The following EVL variants were observed in gnomAD, a reference collection of about 807,000 sequenced individuals.
The protein encoded by EVL is Enah/Vasp-like.
Under a neutral mutation model 59.6 loss-of-function variants are expected in EVL, and 21 were observed. That is an observed-to-expected ratio of 0.35 (90% confidence interval 0.25 to 0.51). The LOEUF (loss-of-function observed/expected upper bound fraction) is 0.51. EVL is among the 20% of genes least tolerant of loss of function. The pLI is 0.97. For synonymous variants in EVL, 198 were observed against 203.5 expected (o/e 0.97, Z 0.23); for missense variants, 462 against 546.6 (o/e 0.85, Z 1.54).
At chr14:100,075,161 G>A (rs566095347) in intron 1 of EVL, among the ~76,000 whole-genome samples, 1 of 152,354 alleles carries the variant, frequency 6.6e-6, no homozygotes, top group African/African-American at 2.4e-5. Context: ...AAGCTGCATG[G>A]CTGCAGGGGC....
At chr14:99,986,290 CA>C (rs3072366) in intron 1 of EVL, among the ~76,000 whole-genome samples, 7,286 of 78,444 alleles carry the variant, frequency 0.093, 202 homozygotes, top group African/African-American at 0.18. Flanking sequence ...GACTCTGTCT[CA>C]AAAAAAAAAA....
intron 3 of EVL, chr14:100,107,056 A>T: frequency 2.5e-6 from 1 of 398,764 alleles, no homozygotes; most frequent in Non-Finnish European, 4.4e-6. Context: ...AGCAGGTGGA[A>T]TGACACCACA....
rs531986617 is a variant in EVL at position 100,020,112 on chromosome 14, A to G, written c.5+48055A>G. Among the ~76,000 whole-genome samples, 7 of 152,320 alleles carry G rather than the reference A, an allele frequency of 4.6e-5. No individual in the cohort carries two copies. In the South Asian group the frequency reaches 1.2e-3, roughly 27 times the overall value. ...TGTAGCAGTGAAGGTGAAAAATTCT[A>G]CAAGTCTGTCTGCATAGTTGAGATT... On this transcript the variant is annotated intron_variant, in intron 1 of 13. Transcript: ENST00000402714.
intron 2 of EVL, among the ~76,000 whole-genome samples, chr14:100,094,758 C>T (rs974842244): frequency 3.7e-5 from 5 of 133,924 alleles, no homozygotes; most frequent in Non-Finnish European, 3.2e-5. Flanking sequence ...AACCATACTA[C>T]GGGCCAGGCA....
At chr14:100,103,938 T>C (rs756407592) in intron 3 of EVL, among the ~76,000 whole-genome samples, 2 of 152,196 alleles carry the variant, frequency 1.3e-5, no homozygotes, top group African/African-American at 2.4e-5. Flanking sequence ...GGTATATGCA[T>C]GCACGTGCTG....
intron 2 of EVL, among the ~76,000 whole-genome samples, chr14:100,087,760 G>A (rs990228223): frequency 8.2e-5 from 12 of 146,834 alleles, no homozygotes; most frequent in Non-Finnish European, 1.2e-4. Flanking sequence ...AAGGGAGACT[G>A]CAGTCCTGCT....
chr14:100,120,556 G>A (rs1887631641), intron 3 of EVL, among the ~76,000 whole-genome samples: 1 of 152,196 alleles, frequency 6.6e-6, no homozygotes, highest in Non-Finnish European at 1.5e-5. Context: ...CACTGAGCTG[G>A]GCCTGGAAGC....
At chr14:100,082,123 CAA>C (rs1285043134) in intron 1 of EVL, among the ~76,000 whole-genome samples, 1 of 151,894 alleles carries the variant, frequency 6.6e-6, no homozygotes, top group African/African-American at 2.4e-5. Context: ...GACTCCGTCT[CAA>C]AAAAATAAAT....
chr14:100,024,148 A>G (rs2061172428), intron 1 of EVL, among the ~76,000 whole-genome samples: 1 of 152,340 alleles, frequency 6.6e-6, no homozygotes, highest in East Asian at 1.9e-4. Flanking sequence ...AGTCTGTTTT[A>G]TTTTTAAACA....
chr14:100,024,416 A>G (rs935539244), intron 1 of EVL, among the ~76,000 whole-genome samples: 2 of 152,214 alleles, frequency 1.3e-5, no homozygotes, highest in African/African-American at 4.8e-5. Flanking sequence ...GATGTTTAGT[A>G]CATTGATCTG....
At chr14:100,123,367 G>A (rs1174420313) in intron 3 of EVL, among the ~76,000 whole-genome samples, 172 bp from the exon 4 acceptor site, 1 of 152,190 alleles carries the variant, frequency 6.6e-6, no homozygotes, top group African/African-American at 2.4e-5. Context: ...GTGATTGAGA[G>A]AGGAGATGGA....
At chr14:100,004,022 G>A (rs1298774097) in intron 1 of EVL, among the ~76,000 whole-genome samples, 1 of 152,232 alleles carries the variant, frequency 6.6e-6, no homozygotes, top group African/African-American at 2.4e-5. Flanking sequence ...AGGCCAACAT[G>A]GCGAAAGCCC....
intron 1 of EVL, among the ~76,000 whole-genome samples, chr14:100,000,287 A>G (rs750794585): frequency 5.9e-5 from 9 of 152,084 alleles, no homozygotes; most frequent in Non-Finnish European, 1.2e-4. Context: ...GGACAACTCA[A>G]GCAAGGATGG....
At chr14:100,088,140 G>A (rs767672487) in intron 2 of EVL, among the ~76,000 whole-genome samples, 2 of 152,172 alleles carry the variant, frequency 1.3e-5, no homozygotes, top group African/African-American at 2.4e-5. Flanking sequence ...GATGGAAAGT[G>A]TTACATTGCC....
Position 100,097,603 on chromosome 14 carries a change from C to T in EVL, c.303C>T (p.Thr101=). ...GLNFASKEEA[T]TFSNAMLFAL... ...ACTTTGCAAGTAAAGAAGAGGCAAC[C>T]ACGTTCTCCAATGCAATGCTGTTTG... The change falls in exon 3 of 14, where the codon ACC becomes ACT. Residue 101 remains threonine, a synonymous_variant. Coordinates refer to ENST00000392920, the MANE Select transcript of EVL (RefSeq NM_016337.3). The T allele has an allele frequency of 1.9e-6, 3 of 1,614,134 alleles. No homozygotes were observed. The highest frequency in any genetic ancestry group is 2.5e-6 in the Non-Finnish European group (3 of 1,180,012).
intron 1 of EVL, among the ~76,000 whole-genome samples, chr14:100,040,015 A>T (rs192998088): frequency 6.6e-6 from 1 of 152,242 alleles, no homozygotes; most frequent in East Asian, 1.9e-4. Flanking sequence ...CCCGGGCTCA[A>T]GGGATCCTCC....
chr14:100,019,346 G>A (rs538170662), intron 1 of EVL: 15 of 305,944 alleles, frequency 4.9e-5, no homozygotes, highest in African/African-American at 1.5e-4. Context: ...GATCCCAGGC[G>A]TGCCCTGGGT....
intron 1 of EVL, among the ~76,000 whole-genome samples, chr14:99,989,674 C>T (rs2060863067): frequency 6.6e-6 from 1 of 152,184 alleles, no homozygotes; most frequent in Non-Finnish European, 1.5e-5. Flanking sequence ...TCAACAGTTA[C>T]ATGGTGGCTA....
At chr14:100,087,269 A>G (rs950260274) in intron 2 of EVL, among the ~76,000 whole-genome samples, 1 of 152,266 alleles carries the variant, frequency 6.6e-6, no homozygotes, top group African/African-American at 2.4e-5. Context: ...CCTAAATCTT[A>G]CATTCAGGGT....
Sources: allele counts gnomAD v4.1 joint callset (sites outside exome capture counted in the v4.1 genomes callset), GRCh38; gene constraint gnomAD v4.1.1; transcripts MANE v1.5; gene names NCBI Gene and HGNC (gene_info 2026-07-23, HGNC 2026-07-21).